The following MKLN1 variants were observed in gnomAD, a reference collection of about 807,000 sequenced individuals.
MKLN1 encodes the protein muskelin 1, also known as muskelin.
A neutral mutation model predicts 99.0 loss-of-function variants in MKLN1; 18 were observed. That is an observed-to-expected ratio of 0.18 (90% CI 0.13 to 0.27). MKLN1 has a LOEUF of 0.27. Ranked by LOEUF, MKLN1 falls within the 10% of genes least tolerant of loss-of-function variation. The pLI is 1.00. For missense variants in MKLN1, 621 were observed against 875.9 expected (o/e 0.71, Z 3.67); for synonymous variants, 288 against 293.2 (o/e 0.98, Z 0.18).
chr7:131,274,727 C>G (rs1797935513), intron 3 of MKLN1, among the ~76,000 whole-genome samples: 1 of 151,236 alleles, frequency 6.6e-6, no homozygotes, highest in Non-Finnish European at 1.5e-5. Context: ...CAAAGACAAG[C>G]TCTTAAGCAG....
intron 1 of MKLN1, among the ~76,000 whole-genome samples, chr7:131,337,770 T>A (rs1396899073): frequency 6.6e-6 from 1 of 150,644 alleles, no homozygotes; most frequent in East Asian, 1.9e-4. Flanking sequence ...AATTATATAT[T>A]CTATTGTATA....
chr7:131,358,682 T>G (rs183034253), intron 1 of MKLN1, among the ~76,000 whole-genome samples: 7 of 152,330 alleles, frequency 4.6e-5, no homozygotes, highest in African/African-American at 1.7e-4. Flanking sequence ...TTTTGGAAGA[T>G]TATTAATTAC....
chr7:131,324,742 C>A (rs1428933138), upstream of MKLN1, among the ~76,000 whole-genome samples: 2 of 152,154 alleles, frequency 1.3e-5, no homozygotes, highest in African/African-American at 4.8e-5. Flanking sequence ...TTTCAAGAGA[C>A]AAATACACAG....
chr7:131,327,838 G>GC (rs1798927989), upstream of MKLN1: 1 of 1,592,282 alleles, frequency 6.3e-7, no homozygotes, highest in East Asian at 2.3e-5. Context: ...AGCAGGCCAC[G>GC]CCCCCTCCCC....
chr7:131,193,241 TTTGC>T lies in MKLN1; in HGVS notation c.-296-9612_-296-9609del, dbSNP rs200447582. Among the ~76,000 whole-genome samples the T allele has an allele frequency of 4.1e-3, 629 of 152,274 alleles. 7 individuals are homozygous for T. Among genetic ancestry groups the T allele is most frequent in the African/African-American group, 0.014 (598 of 41,554 alleles). On this transcript the variant is annotated intron_variant, in intron 2 of 7. Transcript: ENST00000416992. ...CTGATTACTTATGTAAGGCGATCAG[TTTGC>T]TTGTTTTTTTCCTTACTATATGTCT... is the stretch of plus-strand genomic sequence containing the variant.
intron 3 of MKLN1, among the ~76,000 whole-genome samples, chr7:131,267,396 C>T (rs1402338817): frequency 1.3e-5 from 2 of 152,086 alleles, no homozygotes; most frequent in African/African-American, 2.4e-5. Flanking sequence ...ACATCTCTTA[C>T]CTCTTCCCTC....
At chr7:131,226,470 C>CTT (rs1797149247) in intron 3 of MKLN1, among the ~76,000 whole-genome samples, 1 of 152,192 alleles carries the variant, frequency 6.6e-6, no homozygotes, top group Non-Finnish European at 1.5e-5. Context: ...CGCACTTTTC[C>CTT]TTTTAACTCA....
intron 17 of MKLN1, among the ~76,000 whole-genome samples, chr7:131,485,456 G>C (rs954924046): frequency 7.2e-5 from 11 of 152,006 alleles, no homozygotes; most frequent in Non-Finnish European, 2.9e-5. Context: ...CTAAATTATT[G>C]GATGCAGGGC....
intron 1 of MKLN1, among the ~76,000 whole-genome samples, chr7:131,362,831 CCTTGTT>C (rs1166085901): frequency 6.6e-6 from 1 of 151,534 alleles, no homozygotes. Flanking sequence ...AAAATTTAGT[CCTTGTT>C]TCTGAAAAAA....
At chr7:131,323,410 T>A (rs1798823611), upstream of MKLN1, 1 of 152,162 alleles carries the variant, frequency 6.6e-6, no homozygotes, top group African/African-American at 2.4e-5. Flanking sequence ...CTTTTAGAAG[T>A]TTTTAGGTGC....
chr7:131,352,779 C>T (rs545959497), intron 1 of MKLN1, among the ~76,000 whole-genome samples: 1 of 152,224 alleles, frequency 6.6e-6, no homozygotes, highest in African/African-American at 2.4e-5. Flanking sequence ...GTTATGTCAC[C>T]AACTTGATAC....
At chr7:131,329,362 C>CATAT (rs994577521) in intron 1 of MKLN1, among the ~76,000 whole-genome samples, 2 of 152,304 alleles carry the variant, frequency 1.3e-5, no homozygotes, top group African/African-American at 2.4e-5. Context: ...TATTCATGGC[C>CATAT]ATATCCCTGA....
At chr7:131,377,194 G>C (rs1296279692) in intron 2 of MKLN1, among the ~76,000 whole-genome samples, 1 of 152,148 alleles carries the variant, frequency 6.6e-6, no homozygotes, top group Admixed American at 6.5e-5. Context: ...ACATACCTTG[G>C]AGTAGAATTG....
At chr7:131,193,651 G>C (rs1271894199) in intron 2 of MKLN1, among the ~76,000 whole-genome samples, 1 of 152,076 alleles carries the variant, frequency 6.6e-6, no homozygotes, top group African/African-American at 2.4e-5. Context: ...CAAAGTGCTG[G>C]GATTACAGGC....
At chr7:131,337,575 A>G (rs1172619375) in intron 1 of MKLN1, among the ~76,000 whole-genome samples, 1 of 151,972 alleles carries the variant, frequency 6.6e-6, no homozygotes, top group East Asian at 1.9e-4. Flanking sequence ...GATTCTAATT[A>G]TGTGAAAATC....
At chr7:131,283,861 T>C (rs1179124235) in intron 3 of MKLN1, among the ~76,000 whole-genome samples, 1 of 152,244 alleles carries the variant, frequency 6.6e-6, no homozygotes, top group African/African-American at 2.4e-5. Context: ...TAAACCTGTA[T>C]GTAAATAGTG....
Position 131,493,176 on chromosome 7 carries a change from A to G in MKLN1, c.*5448A>G, listed in dbSNP as rs543271537. On this transcript the variant is annotated 3_prime_UTR_variant, in exon 18 of 18. Coordinates refer to ENST00000352689, the MANE Select transcript of MKLN1 (RefSeq NM_013255.5). The stretch of plus-strand genomic sequence containing the variant: ...TTTGGTAGGGAATTGGACCAGTTCT[A>G]AGGTATCACTTTTAATTATAAAATA... The G allele has an allele frequency of 1.3e-5, 2 of 152,322 alleles. No individual in the cohort carries two copies. The highest frequency in any genetic ancestry group is 3.9e-4 in the East Asian group (2 of 5,182). 9.4% of individuals were successfully genotyped at this position (152,322 alleles called of 1,614,324 possible).
intron 1 of MKLN1, chr7:131,328,334 C>T (rs1198087492): frequency 3.8e-6 from 1 of 262,638 alleles, no homozygotes; most frequent in East Asian, 8.1e-5. Context: ...GGGCAGGAAT[C>T]GGAGTTGGCG....
intron 12 of MKLN1, among the ~76,000 whole-genome samples, chr7:131,459,032 A>G (rs996302339): frequency 3.9e-5 from 6 of 152,226 alleles, no homozygotes; most frequent in Non-Finnish European, 1.5e-5. Context: ...CTTCAGAAGA[A>G]ATGACCCAAA....
Sources: allele counts gnomAD v4.1 joint callset (sites outside exome capture counted in the v4.1 genomes callset), GRCh38; gene constraint gnomAD v4.1.1; transcripts MANE v1.5; gene names NCBI Gene and HGNC (gene_info 2026-07-23, HGNC 2026-07-21).